Variants in TMEM132B observed in about 807,000 individuals in gnomAD.
TMEM132B encodes the protein transmembrane protein 132B.
Under a neutral mutation model 90.8 loss-of-function variants are expected in TMEM132B, and 18 were observed. That is an observed-to-expected ratio of 0.20 (90% CI 0.14 to 0.29). The LOEUF is 0.29. Ranked by LOEUF, TMEM132B falls within the 10% of genes least tolerant of loss-of-function variation. The pLI, the probability that TMEM132B is intolerant of heterozygous loss-of-function variation, is 1.00. For synonymous variants in TMEM132B, 504 were observed against 523.3 expected (o/e 0.96, Z 0.50); for missense variants, 1,096 against 1,326.8 (o/e 0.83, Z 2.70).
chr12:125,368,008 T>C (rs1178540119), intron 2 of TMEM132B, among the ~76,000 whole-genome samples: 1 of 152,192 alleles, frequency 6.6e-6, no homozygotes, highest in African/African-American at 2.4e-5. Context: ...TCTCTTTGCA[T>C]GTTTAAGTGA....
intron 3 of TMEM132B, among the ~76,000 whole-genome samples, chr12:125,470,842 G>T (rs1211732723): frequency 1.3e-5 from 2 of 152,170 alleles, no homozygotes; most frequent in African/African-American, 4.8e-5. Context: ...TCTTCTCTGG[G>T]AGTCATTTTT....
Position 125,404,569 on chromosome 12 carries a change from G to A in TMEM132B, c.960-10962G>A, listed in dbSNP as rs73426806. Among the ~76,000 whole-genome samples, 905 of 152,244 alleles carry A rather than the reference G, an allele frequency of 5.9e-3. 11 individuals are homozygous for A. Among genetic ancestry groups the A allele is most frequent in the African/African-American group, 0.021 (855 of 41,534 alleles). ...ATGCTGATCCACGTCTTTGTTCCAG[G>A]TGTTCTTCTAAGCACTTAATATACA... On this transcript the variant is annotated intron_variant, in intron 2 of 8. Coordinates refer to ENST00000682704, the MANE Select transcript of TMEM132B (RefSeq NM_001366854.1).
At chr12:125,495,997 G>A (rs1882551671) in intron 3 of TMEM132B, among the ~76,000 whole-genome samples, 1 of 152,216 alleles carries the variant, frequency 6.6e-6, no homozygotes, top group Non-Finnish European at 1.5e-5. Context: ...GGCTGCTAAA[G>A]GAGCTTAATT....
At chr12:125,424,526 G>A (rs1350620987) in intron 3 of TMEM132B, among the ~76,000 whole-genome samples, 3 of 152,116 alleles carry the variant, frequency 2.0e-5, no homozygotes, top group Non-Finnish European at 4.4e-5. Context: ...CTTAATTTTG[G>A]ACTATGTTTT....
intron 1 of TMEM132B, among the ~76,000 whole-genome samples, chr12:125,321,567 T>C (rs1876426248): frequency 6.7e-6 from 1 of 150,268 alleles, no homozygotes; most frequent in South Asian, 2.1e-4. Context: ...AACTTCCACC[T>C]CCCAGGTTCA....
chr12:125,221,300 G>A (rs1344322906), intron 1 of TMEM132B, among the ~76,000 whole-genome samples: 1 of 152,196 alleles, frequency 6.6e-6, no homozygotes, highest in Admixed American at 6.5e-5. Context: ...ATAATGTTCT[G>A]TGAGCACTTA....
At chr12:125,561,224 G>T (rs1401471338) in intron 4 of TMEM132B, among the ~76,000 whole-genome samples, 1 of 152,126 alleles carries the variant, frequency 6.6e-6, no homozygotes, top group Non-Finnish European at 1.5e-5. Context: ...GCTTTGCAGG[G>T]ACGTGGATGA....
At chr12:125,413,286 T>C (rs1879909502) in intron 2 of TMEM132B, among the ~76,000 whole-genome samples, 1 of 152,176 alleles carries the variant, frequency 6.6e-6, no homozygotes, top group Non-Finnish European at 1.5e-5. Context: ...CAGTCACTCC[T>C]GGGAGGGGTC....
At chr12:125,293,730 G>T (rs1306663187) in intron 1 of TMEM132B, among the ~76,000 whole-genome samples, 2 of 152,126 alleles carry the variant, frequency 1.3e-5, no homozygotes, top group Non-Finnish European at 2.9e-5. Context: ...CCATGTATTT[G>T]CTATTGTGAA....
intron 3 of TMEM132B, among the ~76,000 whole-genome samples, chr12:125,421,371 T>G (rs965014924): frequency 6.6e-6 from 1 of 152,122 alleles, no homozygotes; most frequent in Non-Finnish European, 1.5e-5. Context: ...TGGCTGAAGG[T>G]GAATGAGGAG....
intron 3 of TMEM132B, among the ~76,000 whole-genome samples, chr12:125,471,657 C>T (rs182382887): frequency 1.3e-5 from 2 of 152,332 alleles, no homozygotes; most frequent in Admixed American, 6.5e-5. Context: ...CAGGGTTAAA[C>T]AGTGAGTCTG....
At chr12:125,531,054 T>C (rs1329679620) in intron 4 of TMEM132B, among the ~76,000 whole-genome samples, 2 of 152,218 alleles carry the variant, frequency 1.3e-5, no homozygotes, top group East Asian at 3.8e-4. Flanking sequence ...CTGCTAAATC[T>C]CCAGCCATTC....
At chr12:125,317,776 A>T (rs1566000358) in intron 1 of TMEM132B, among the ~76,000 whole-genome samples, 1 of 151,912 alleles carries the variant, frequency 6.6e-6, no homozygotes, top group Non-Finnish European at 1.5e-5. Flanking sequence ...TCCTTGCTTC[A>T]TCTGGGGAGC....
chr12:125,549,307 G>A (rs568042855), intron 4 of TMEM132B, among the ~76,000 whole-genome samples: 1 of 152,232 alleles, frequency 6.6e-6, no homozygotes, highest in Non-Finnish European at 1.5e-5. Context: ...CCTCGGCTCT[G>A]TTGAACCCAC....
In TMEM132B at chr12:125,492,098, G is replaced by A. The variant is rs149956982; in HGVS notation, c.1107-27341G>A. On this transcript the variant is annotated intron_variant, in intron 3 of 8. Coordinates refer to ENST00000682704, the MANE Select transcript of TMEM132B (RefSeq NM_001366854.1). This position sits in a 1 kb window ranked among gnomAD's most constrained non-coding sequence, Gnocchi z 5.8. ...TCAATACTGCTTATGTGGAGTGAAAGTGGCCCATGTCATGGGGATCTGGGT... is the reference window on the plus strand; with the variant it reads ...TCAATACTGCTTATGTGGAGTGAAAATGGCCCATGTCATGGGGATCTGGGT... Among the ~76,000 whole-genome samples, 2 of 152,158 alleles carry A rather than the reference G, an allele frequency of 1.3e-5. No homozygotes were observed. Among genetic ancestry groups the A allele is most frequent in the Non-Finnish European group, 2.9e-5 (2 of 68,034 alleles).
At chr12:125,432,119 A>C (rs1880526975) in intron 3 of TMEM132B, among the ~76,000 whole-genome samples, 1 of 151,546 alleles carries the variant, frequency 6.6e-6, no homozygotes, top group Non-Finnish European at 1.5e-5. Context: ...TTGATTTTGT[A>C]TGCGCTGTTT....
chr12:125,385,777 A>G (rs558440576), intron 2 of TMEM132B, among the ~76,000 whole-genome samples: 1 of 152,288 alleles, frequency 6.6e-6, no homozygotes, highest in East Asian at 1.9e-4. Context: ...GTGTTACATA[A>G]TATTTCTCAT....
intron 5 of TMEM132B, among the ~76,000 whole-genome samples, chr12:125,602,699 C>A (rs905396697): frequency 6.6e-6 from 1 of 152,090 alleles, no homozygotes; most frequent in Admixed American, 6.6e-5. Context: ...CGACATGATT[C>A]TATATTTTTA....
intron 5 of TMEM132B, among the ~76,000 whole-genome samples, chr12:125,602,258 A>G (rs531146693): frequency 6.6e-6 from 1 of 152,358 alleles, no homozygotes; most frequent in Admixed American, 6.5e-5. Context: ...CAAAAAGCTT[A>G]TCTACCGTGA....
Sources: allele counts gnomAD v4.1 joint callset (sites outside exome capture counted in the v4.1 genomes callset), GRCh38; gene constraint gnomAD v4.1.1; non-coding constraint Gnocchi (gnomAD v3.1); transcripts MANE v1.5; gene names NCBI Gene and HGNC (gene_info 2026-07-23, HGNC 2026-07-21).